PM20D2: variants seen among roughly 807,000 people sequenced by gnomAD.
The protein encoded by PM20D2 is peptidase M20 domain containing 2.
A neutral mutation model predicts 42.9 loss-of-function variants in PM20D2; 33 were observed. The observed-to-expected ratio is 0.77, with a 90% CI of 0.58 to 1.03. The LOEUF (loss-of-function observed/expected upper bound fraction) is 1.03. Among genes scored for constraint, PM20D2 ranks in the 50% least tolerant of loss-of-function variants. PM20D2 has a pLI of 0.00. For missense variants in PM20D2, 548 were observed against 557.0 expected (o/e 0.98, Z 0.16); for synonymous variants, 250 against 228.2 (o/e 1.10, Z -0.86).
chr6:89,106,407 C>T, the PM20D2 span, among the ~76,000 whole-genome samples: 2 of 152,096 alleles, frequency 1.3e-5, no homozygotes, highest in African/African-American at 2.4e-5. Flanking sequence ...GCCACCGCAC[C>T]CAGCCAAACA....
rs745532208 is a variant in PM20D2, at chr6:89,162,155, G to A, written c.1203G>A (p.Leu401=). The A allele has an allele frequency of 6.2e-7, 1 of 1,614,142 alleles. No individual in the cohort carries two copies. Among genetic ancestry groups the A allele is most frequent in the Non-Finnish European group, 8.5e-7 (1 of 1,180,008 alleles). Reference sequence around the variant, plus strand: ...ACACTCTGCGGACGGCCAAAGCTCTGGCAATGACGGCACTGGATGTTATTT... The same window carrying A: ...ACACTCTGCGGACGGCCAAAGCTCTAGCAATGACGGCACTGGATGTTATTT... ...QFYTLRTAKA[L]AMTALDVIFK... is the part of the protein sequence containing the mutation. The change falls in exon 7 of 7, where the codon CTG becomes CTA. Residue 401 remains leucine (L), a synonymous_variant. Coordinates refer to ENST00000275072, the MANE Select transcript of PM20D2 (RefSeq NM_001010853.3).
At chr6:89,132,042 GAAAGTAATCA>G in the PM20D2 span, among the ~76,000 whole-genome samples, 2 of 152,256 alleles carry the variant, frequency 1.3e-5, no homozygotes, top group South Asian at 4.2e-4. Context: ...CCTCCAAAGA[GAAAGTAATCA>G]AAAGTACTGA....
rs779740621 is a variant in PM20D2, at chr6:89,149,327, A to G, written c.528A>G (p.Ala176=). Residue 176 remains alanine (A), a synonymous_variant, in exon 2 of 7, where the codon GCA becomes GCG. Coordinates refer to ENST00000275072, the MANE Select transcript of PM20D2 (RefSeq NM_001010853.3). ...GTGGCAAAATTGATTTAATTGAAGC[A>G]GGGGCTTTTACAAATCTTGATGTTG... ...DGGGKIDLIE[A]GAFTNLDVVF... is the part of the protein sequence containing the mutation. 2 of 1,614,132 alleles carry G rather than the reference A, an allele frequency of 1.2e-6. No individual in the cohort carries two copies. Among genetic ancestry groups the G allele is most frequent in the Non-Finnish European group, 8.5e-7 (1 of 1,179,982 alleles).
the PM20D2 span, among the ~76,000 whole-genome samples, chr6:89,100,522 T>TAAAAA: frequency 6.9e-6 from 1 of 144,740 alleles, no homozygotes. Context: ...CATGTTATGT[T>TAAAAA]AAAAAAAAAA....
At chr6:89,102,317 T>C in the PM20D2 span, among the ~76,000 whole-genome samples, 1 of 152,258 alleles carries the variant, frequency 6.6e-6, no homozygotes, top group South Asian at 2.1e-4. Flanking sequence ...CTAATTTTTG[T>C]ATTTTTAGTA....
At chr6:89,139,417 C>T in the PM20D2 span, among the ~76,000 whole-genome samples, 1 of 152,148 alleles carries the variant, frequency 6.6e-6, no homozygotes, top group Non-Finnish European at 1.5e-5. Flanking sequence ...TCATGTTGGC[C>T]AGGCTGGTCT....
chr6:89,115,044 C>G, the PM20D2 span, among the ~76,000 whole-genome samples: 7 of 152,102 alleles, frequency 4.6e-5, no homozygotes, highest in African/African-American at 1.7e-4. Flanking sequence ...GATCTGCCCA[C>G]CTCGGCCTCC....
chr6:89,120,647 C>T, the PM20D2 span, among the ~76,000 whole-genome samples: 17 of 151,978 alleles, frequency 1.1e-4, no homozygotes, highest in African/African-American at 4.1e-4. Context: ...GAAGATTGCT[C>T]CAAGCTAGAA....
At chr6:89,128,879 T>C in the PM20D2 span, among the ~76,000 whole-genome samples, 1 of 152,156 alleles carries the variant, frequency 6.6e-6, no homozygotes, top group Non-Finnish European at 1.5e-5. Context: ...TTTCAAATGC[T>C]CAATATCTAT....
chr6:89,113,388 G>T, the PM20D2 span, among the ~76,000 whole-genome samples: 27 of 152,088 alleles, frequency 1.8e-4, no homozygotes, highest in African/African-American at 6.5e-4. Context: ...TGGCCAGGCT[G>T]GTCTCGAACT....
the PM20D2 span, among the ~76,000 whole-genome samples, chr6:89,101,785 C>G: frequency 5.3e-5 from 8 of 152,214 alleles, no homozygotes; most frequent in Non-Finnish European, 1.5e-5. Context: ...ACAAGACTGA[C>G]AACTCACTAT....
rs1169459530 is a variant in PM20D2 at position 89,163,320 on chromosome 6, T to G, written c.*1057T>G. On this transcript the variant is annotated 3_prime_UTR_variant, in exon 7 of 7. Transcript: ENST00000275072. ...CTTACTACTTTGCTTCAGGTACACATAAGAAAACCTCTTTTTTAAAAAAAT... is the reference window on the plus strand; with the variant it reads ...CTTACTACTTTGCTTCAGGTACACAGAAGAAAACCTCTTTTTTAAAAAAAT... The G allele has an allele frequency of 6.6e-6, 1 of 152,162 alleles. No homozygotes were observed. Among genetic ancestry groups the G allele is most frequent in the Non-Finnish European group, 1.5e-5 (1 of 68,016 alleles). The allele number at this position is 152,162 out of a possible 1,614,324, so 9.4% of individuals were successfully genotyped here. A position where few individuals can be genotyped will look rare whatever the true frequency, so the allele number is the denominator to read the frequency against.
At position 89,146,348 on chromosome 6, in the gene PM20D2, G is replaced by C; in HGVS notation, c.204G>C (p.Arg68=). The change falls in exon 1 of 7, where the codon CGG becomes CGC. Residue 68 remains arginine, a synonymous_variant. Coordinates refer to ENST00000275072, the MANE Select transcript of PM20D2 (RefSeq NM_001010853.3). The part of the protein sequence containing the change: ...AHRVLTHFFE[R]EPPAASWAVQ... ...GCGTGCTGACGCACTTCTTCGAGCGGGAGCCGCCCGCGGCCTCCTGGGCAG... is the reference window on the plus strand; with the variant it reads ...GCGTGCTGACGCACTTCTTCGAGCGCGAGCCGCCCGCGGCCTCCTGGGCAG... 6.4e-7 allele frequency: 1 copy of C among 1,558,948 alleles called. No homozygotes were observed. The highest frequency in any genetic ancestry group is 8.6e-7 in the Non-Finnish European group (1 of 1,160,618).
chr6:89,101,649 G>A, the PM20D2 span, among the ~76,000 whole-genome samples: 10 of 151,962 alleles, frequency 6.6e-5, no homozygotes, highest in African/African-American at 2.4e-4. Flanking sequence ...AGTGAGCCGA[G>A]ATTGTGCCAC....
At chr6:89,117,768 C>T in the PM20D2 span, 4 of 1,495,916 alleles carry the variant, frequency 2.7e-6, no homozygotes, top group Middle Eastern at 6.2e-4. Flanking sequence ...CTCCGCGGCG[C>T]GGCTGTTACC....
chr6:89,105,071 T>C, the PM20D2 span: 5 of 1,532,500 alleles, frequency 3.3e-6, no homozygotes, highest in South Asian at 6.2e-5. Context: ...TATATATCTA[T>C]TTCCCAGAAA....
the PM20D2 span, among the ~76,000 whole-genome samples, chr6:89,109,912 A>C: frequency 1.3e-5 from 2 of 152,148 alleles, no homozygotes; most frequent in Non-Finnish European, 2.9e-5. Context: ...TAAGAGGGTG[A>C]AACCCCATCT....
chr6:89,152,980 C>A, intron 2 of PM20D2, 63 bp from the exon 3 acceptor site: 1 of 1,385,492 alleles, frequency 7.2e-7, no homozygotes, highest in Non-Finnish European at 9.8e-7. Flanking sequence ...ATTCTGACTA[C>A]CTGGATTTTC....
chr6:89,157,650 G>A (rs1291530021), intron 4 of PM20D2, among the ~76,000 whole-genome samples: 1 of 152,146 alleles, frequency 6.6e-6, no homozygotes, highest in Non-Finnish European at 1.5e-5. Flanking sequence ...TCCTAGAGCA[G>A]TGTTCCTCAG....
Sources: allele counts gnomAD v4.1 joint callset (sites outside exome capture counted in the v4.1 genomes callset), GRCh38; gene constraint gnomAD v4.1.1; transcripts MANE v1.5; gene names NCBI Gene and HGNC (gene_info 2026-07-23, HGNC 2026-07-21).